Variants in CORIN observed in about 807,000 individuals in gnomAD.
CORIN encodes the protein atrial natriuretic peptide-converting enzyme.
In CORIN, 117 loss-of-function variants were observed where a neutral mutation model predicts 125.3. The observed-to-expected ratio is 0.93, with a 90% confidence interval of 0.80 to 1.09. CORIN has a LOEUF of 1.09. Among genes scored for constraint, CORIN ranks in the 50% least tolerant of loss-of-function variants. The pLI is 0.00. For missense variants in CORIN, 1,253 were observed against 1,306.7 expected (o/e 0.96, Z 0.63); for synonymous variants, 450 against 466.4 (o/e 0.96, Z 0.45).
intron 5 of CORIN, chr4:47,706,878 G>T (rs553151419): frequency 1.6e-5 from 25 of 1,598,950 alleles, no homozygotes; most frequent in Non-Finnish European, 1.9e-5. Context: ...TCTGCAGGCC[G>T]AAAGAGCCGT....
Position 47,744,282 on chromosome 4 carries a change from T to A in CORIN, c.799+120A>T. 2.1e-6 allele frequency: 2 copies of A among 941,650 alleles called. 1 individual carries two copies. Among genetic ancestry groups the A allele is most frequent in the Non-Finnish European group, 3.1e-6 (2 of 637,198 alleles). 58.3% of individuals were successfully genotyped at this position (941,650 alleles called of 1,614,324 possible). A position where few individuals can be genotyped will look rare whatever the true frequency, so the allele number is the denominator to read the frequency against. ...TTCCTTGATCTGGGTTCTGGTTACATGGATCTTGTCACTTGGTTAAAATTT... is the reference window on the plus strand; with the variant it reads ...TTCCTTGATCTGGGTTCTGGTTACAAGGATCTTGTCACTTGGTTAAAATTT... On this transcript the variant is annotated intron_variant, in intron 5 of 21. Coordinates refer to ENST00000273857, the MANE Select transcript of CORIN (RefSeq NM_006587.4).
chr4:47,691,275 G>C (rs1014320868), intron 6 of CORIN, among the ~76,000 whole-genome samples: 2 of 152,178 alleles, frequency 1.3e-5, no homozygotes, highest in Non-Finnish European at 2.9e-5. Context: ...AGAATAGCTA[G>C]AGATTCTACC....
chr4:47,642,805 T>C (rs1691422084), intron 15 of CORIN: 1 of 1,432,144 alleles, frequency 7.0e-7, no homozygotes, highest in African/African-American at 1.4e-5. Flanking sequence ...TTCTAGCAGG[T>C]AGAGGTGACA....
chr4:47,654,346 C>T (rs963912005), intron 12 of CORIN, among the ~76,000 whole-genome samples: 2 of 83,022 alleles, frequency 2.4e-5, no homozygotes, highest in Non-Finnish European at 5.6e-5. Flanking sequence ...CACAAAAAAG[C>T]ACCTTCATAA....
chr4:47,731,500 C>G (rs1026622676), intron 5 of CORIN, among the ~76,000 whole-genome samples: 1 of 152,182 alleles, frequency 6.6e-6, no homozygotes, highest in African/African-American at 2.4e-5. Context: ...GGAGACTAGA[C>G]TAAGTGGCCA....
chr4:47,732,286 G>T (rs1164144420), intron 5 of CORIN, among the ~76,000 whole-genome samples: 1 of 152,154 alleles, frequency 6.6e-6, no homozygotes, highest in African/African-American at 2.4e-5. Flanking sequence ...AGAGTGCTAC[G>T]AATGAAGAAG....
At chr4:47,814,716 GT>G (rs1349824153) in intron 1 of CORIN, among the ~76,000 whole-genome samples, 1 of 152,082 alleles carries the variant, frequency 6.6e-6, no homozygotes, top group African/African-American at 2.4e-5. Flanking sequence ...CACGCATCTG[GT>G]TTTCAGTAAG....
chr4:47,600,092 C>T (rs1721392961), intron 21 of CORIN, 122 bp downstream of exon 21: 2 of 839,578 alleles, frequency 2.4e-6, no homozygotes, highest in East Asian at 2.6e-5. Flanking sequence ...AATAATTAAA[C>T]ATTTGGCAAC....
chr4:47,761,646 C>CATT (rs981624693), intron 4 of CORIN, among the ~76,000 whole-genome samples: 10 of 152,154 alleles, frequency 6.6e-5, no homozygotes, highest in African/African-American at 2.4e-4. Flanking sequence ...GGATCTCATT[C>CATT]ATATATAGAG....
chr4:47,831,691 T>G (rs754311563), intron 1 of CORIN, among the ~76,000 whole-genome samples: 1 of 152,096 alleles, frequency 6.6e-6, no homozygotes, highest in Admixed American at 6.5e-5. Context: ...GAAATCCAGC[T>G]AGGGAAAAGA....
intron 5 of CORIN, 92 bp from the exon 6 acceptor site, chr4:47,693,175 T>C: frequency 1.2e-6 from 1 of 841,004 alleles, no homozygotes; most frequent in Admixed American, 2.4e-5. Flanking sequence ...AATCTTCTTT[T>C]GCTATTCAAC....
intron 10 of CORIN, among the ~76,000 whole-genome samples, chr4:47,665,574 A>G (rs1484950294): frequency 6.6e-6 from 1 of 152,046 alleles, no homozygotes. Context: ...CATTCCTTTT[A>G]TTGACTCCAA....
intron 19 of CORIN, among the ~76,000 whole-genome samples, chr4:47,618,509 G>A (rs1722166315): frequency 6.6e-6 from 1 of 151,100 alleles, no homozygotes; most frequent in African/African-American, 2.4e-5. Context: ...CAGGGAACGA[G>A]GTAAGTTGAG....
At position 47,798,434 on chromosome 4, in the gene CORIN, A is replaced by T. The variant is rs894985265; in HGVS notation, c.208+8469T>A. On this transcript the variant is annotated intron_variant, in intron 2 of 21. Transcript: ENST00000273857. Reference sequence around the variant, plus strand: ...TATCTCAGCATCCCTTAGCAACCCTAATGTACACAGAAATAACTACAAAAC... The same window carrying T: ...TATCTCAGCATCCCTTAGCAACCCTTATGTACACAGAAATAACTACAAAAC... Among the ~76,000 whole-genome samples the T allele has an allele frequency of 2.6e-5, 4 of 152,198 alleles. No homozygotes were observed. In the East Asian group the frequency reaches 7.7e-4, roughly 29 times the overall value.
chr4:47,764,133 G>A (rs1000228084), intron 3 of CORIN, among the ~76,000 whole-genome samples: 8 of 152,262 alleles, frequency 5.3e-5, no homozygotes, highest in African/African-American at 1.9e-4. Flanking sequence ...CATGAAAGAT[G>A]CTTCAGAAGA....
At chr4:47,675,855 G>T (rs1724993422) in intron 9 of CORIN, among the ~76,000 whole-genome samples, 1 of 152,202 alleles carries the variant, frequency 6.6e-6, no homozygotes, top group African/African-American at 2.4e-5. Flanking sequence ...TTACAGGCAT[G>T]TGCTACCACG....
intron 20 of CORIN, 27 bp from the exon 21 acceptor site, chr4:47,600,374 T>C (rs1194939773): frequency 1.3e-6 from 2 of 1,546,438 alleles, no homozygotes; most frequent in Non-Finnish European, 8.8e-7. Context: ...TAAGAATATA[T>C]ATATGATGAT....
intron 19 of CORIN, among the ~76,000 whole-genome samples, chr4:47,619,811 G>A (rs987893709): frequency 6.6e-6 from 1 of 152,110 alleles, no homozygotes; most frequent in Admixed American, 6.5e-5. Flanking sequence ...ATTCATTTAG[G>A]TAATCATCGC....
At chr4:47,820,823 A>G (rs754761349) in intron 1 of CORIN, among the ~76,000 whole-genome samples, 1 of 152,112 alleles carries the variant, frequency 6.6e-6, no homozygotes, top group South Asian at 2.1e-4. Context: ...AAATAGAGTC[A>G]ATTGTTACAC....
Sources: gnomAD v4.1 joint callset for allele counts (sites outside exome capture counted in the v4.1 genomes callset) on GRCh38, gnomAD v4.1.1 for gene constraint, MANE v1.5 for transcripts, NCBI Gene and HGNC (gene_info 2026-07-23, HGNC 2026-07-21) for gene names.